The following MEGF11 variants were observed in gnomAD, a reference collection of about 807,000 sequenced individuals.
The protein encoded by MEGF11 is multiple epidermal growth factor-like domains protein 11.
Under a neutral mutation model 146.6 loss-of-function variants are expected in MEGF11, and 126 were observed. The observed-to-expected ratio is 0.86, with a 90% CI of 0.74 to 1.00. The LOEUF is 1.00. Among genes scored for constraint, MEGF11 ranks in the 50% least tolerant of loss-of-function variants. The probability of loss-of-function intolerance (pLI) is 0.00; values close to 1 mark genes in which losing one functional copy is unlikely to be tolerated. For synonymous variants in MEGF11, 532 were observed against 583.4 expected, an observed-to-expected ratio of 0.91 and a Z score of 1.27; for missense variants, 1,509 against 1,521.2, an observed-to-expected ratio of 0.99 and a Z score of 0.13.
intron 21 of MEGF11, among the ~76,000 whole-genome samples, chr15:65,911,001 C>T (rs1354929780): frequency 6.6e-6 from 1 of 152,200 alleles, no homozygotes; most frequent in East Asian, 1.9e-4. Flanking sequence ...TCCCACTCTG[C>T]CTGGTATGGG....
chr15:66,017,048 T>C (rs2140144745), intron 5 of MEGF11, among the ~76,000 whole-genome samples: 1 of 152,354 alleles, frequency 6.6e-6, no homozygotes, highest in South Asian at 2.1e-4. Flanking sequence ...TTTGTTCCTG[T>C]CCTTCCCAAG....
At chr15:66,197,991 G>A (rs555121384) in intron 1 of MEGF11, among the ~76,000 whole-genome samples, 2 of 152,202 alleles carry the variant, frequency 1.3e-5, no homozygotes, top group African/African-American at 4.8e-5. Flanking sequence ...TTGGAAGGCC[G>A]CAGTGGGAGG....
At chr15:66,244,015 C>T (rs1018128511) in intron 1 of MEGF11, among the ~76,000 whole-genome samples, 1 of 152,180 alleles carries the variant, frequency 6.6e-6, no homozygotes, top group African/African-American at 2.4e-5. Flanking sequence ...GGCATCAAGT[C>T]GGGGTGTGAC....
intron 1 of MEGF11, among the ~76,000 whole-genome samples, chr15:66,199,338 C>A (rs903225189): frequency 6.6e-6 from 1 of 152,068 alleles, no homozygotes; most frequent in Non-Finnish European, 1.5e-5. Flanking sequence ...CCATTCCCCA[C>A]CCTCCTCTCC....
At chr15:65,946,375 C>A (rs1366979702) in intron 10 of MEGF11, among the ~76,000 whole-genome samples, 6 of 152,212 alleles carry the variant, frequency 3.9e-5, no homozygotes, top group African/African-American at 1.4e-4. Context: ...CTCTGCCAAG[C>A]AGCCTCCAGT....
At chr15:66,200,496 AG>A in intron 1 of MEGF11, among the ~76,000 whole-genome samples, 1 of 152,216 alleles carries the variant, frequency 6.6e-6, no homozygotes, top group Non-Finnish European at 1.5e-5. Flanking sequence ...TACTTTTCCT[AG>A]GTAGTTATTT....
chr15:66,105,719 T>G (rs1597088396), intron 4 of MEGF11, among the ~76,000 whole-genome samples: 1 of 152,268 alleles, frequency 6.6e-6, no homozygotes, highest in Non-Finnish European at 1.5e-5. Flanking sequence ...AGAGAATTTC[T>G]GCAGCTTATG....
At chr15:66,082,744 A>G (rs1428089540) in intron 5 of MEGF11, among the ~76,000 whole-genome samples, 1 of 150,488 alleles carries the variant, frequency 6.6e-6, no homozygotes, top group South Asian at 2.1e-4. Context: ...CGGGAGCACA[A>G]ATCACCATCA....
At chr15:66,127,007 A>G (rs2088383507) in intron 2 of MEGF11, among the ~76,000 whole-genome samples, 1 of 152,248 alleles carries the variant, frequency 6.6e-6, no homozygotes, top group Admixed American at 6.5e-5. Flanking sequence ...GTTGTCAACA[A>G]GAAAAGACAG....
chr15:66,117,625 C>G (rs570671940), intron 4 of MEGF11, among the ~76,000 whole-genome samples: 1 of 152,192 alleles, frequency 6.6e-6, no homozygotes, highest in East Asian at 1.9e-4. Context: ...TTGCGCGGGC[C>G]GCTTACATCT....
intron 5 of MEGF11, among the ~76,000 whole-genome samples, chr15:66,011,950 G>C (rs1042679792): frequency 3.3e-5 from 5 of 152,018 alleles, no homozygotes; most frequent in African/African-American, 9.7e-5. Flanking sequence ...CATAAAGAAC[G>C]CAAAATAGGG....
chr15:65,930,998 G>A (rs569537705), intron 10 of MEGF11, 55 bp from the exon 11 acceptor site: 104 of 1,473,534 alleles, frequency 7.1e-5, no homozygotes, highest in African/African-American at 2.5e-4. Context: ...TTGGATGGCT[G>A]TGGTAGGCAG....
chr15:66,194,612 A>AAAAC lies in MEGF11; in HGVS notation c.-9+58989_-9+58992dup, dbSNP rs370416533. 4.4e-3 allele frequency among the ~76,000 whole-genome samples: 661 copies of AAAAC among 151,748 alleles called. 3 individuals carry two copies. Among genetic ancestry groups the AAAAC allele is most frequent in the African/African-American group, 0.014 (573 of 41,224 alleles). On this transcript the variant is annotated intron_variant, in intron 1 of 25. Coordinates refer to ENST00000395614, the MANE Select transcript of MEGF11 (RefSeq NM_001385028.1). ...GAGACAGAGCAAGACTCCGTCTCAAAAAACAAACAAACAAACAAAAAGAAT... is the reference window on the plus strand; with the variant it reads ...GAGACAGAGCAAGACTCCGTCTCAAAAAACAAACAAACAAACAAACAAAAAGAAT...
At position 66,082,511 on chromosome 15, in the gene MEGF11, ATC is replaced by A. The variant is rs1430269966; in HGVS notation, c.394+11889_394+11890del. ...TATCTATCTATCTATCTATCTATCT[ATC>A]TATAAATAAATTAGCCAGGTGTGGT... is the stretch of plus-strand genomic sequence containing the variant. On this transcript the variant is annotated intron_variant, in intron 5 of 25. Coordinates refer to ENST00000395614, the MANE Select transcript of MEGF11 (RefSeq NM_001385028.1). Among the ~76,000 whole-genome samples the A allele has an allele frequency of 8.3e-4, 114 of 137,870 alleles. 1 individual carries two copies. Among genetic ancestry groups the A allele is most frequent in the African/African-American group, 2.6e-3 (95 of 36,260 alleles). 90.4% of individuals were successfully genotyped at this position (137,870 alleles called of 152,430 possible).
chr15:66,053,062 A>ATG (rs1567219698), intron 5 of MEGF11, among the ~76,000 whole-genome samples: 6 of 151,908 alleles, frequency 3.9e-5, no homozygotes, highest in South Asian at 2.1e-4. Context: ...ATGGATGGAT[A>ATG]GATGGATGGA....
chr15:65,979,017 C>T (rs2081545310), intron 7 of MEGF11, among the ~76,000 whole-genome samples: 1 of 147,222 alleles, frequency 6.8e-6, no homozygotes, highest in African/African-American at 2.5e-5. Flanking sequence ...AATATAGAAA[C>T]TAGATTAAAA....
intron 1 of MEGF11, among the ~76,000 whole-genome samples, chr15:66,176,078 TA>T (rs2090382131): frequency 1.3e-5 from 2 of 152,174 alleles, no homozygotes; most frequent in African/African-American, 4.8e-5. Flanking sequence ...TCAACATCAC[TA>T]ATCACCAGGG....
intron 1 of MEGF11, among the ~76,000 whole-genome samples, chr15:66,232,364 G>A (rs1009621274): frequency 2.4e-4 from 37 of 152,164 alleles, no homozygotes; most frequent in African/African-American, 7.5e-4. Flanking sequence ...CAGCTGGACC[G>A]GCCCCAGTCA....
chr15:66,154,697 C>A (rs561483039), intron 1 of MEGF11, among the ~76,000 whole-genome samples: 1 of 152,210 alleles, frequency 6.6e-6, no homozygotes, highest in African/African-American at 2.4e-5. Context: ...CAGAGAAAGA[C>A]GCACACACCT....
Sources: allele counts gnomAD v4.1 joint callset (sites outside exome capture counted in the v4.1 genomes callset), GRCh38; gene constraint gnomAD v4.1.1; transcripts MANE v1.5; gene names NCBI Gene and HGNC (gene_info 2026-07-23, HGNC 2026-07-21).